Variants in GRIN2D observed in about 807,000 individuals in gnomAD.
GRIN2D encodes glutamate receptor ionotropic, NMDA 2D.
In GRIN2D, 37 loss-of-function variants were observed where a neutral mutation model predicts 103.2. That is an observed-to-expected ratio of 0.36 (90% CI 0.28 to 0.47). The LOEUF (loss-of-function observed/expected upper bound fraction) is 0.47. Ranked by LOEUF, GRIN2D falls within the 20% of genes least tolerant of loss-of-function variation. The pLI, the probability that GRIN2D is intolerant of heterozygous loss-of-function variation, is 1.00. For missense variants in GRIN2D, 1,557 were observed against 1,910.6 expected (o/e 0.81, Z 3.45); for synonymous variants, 845 against 885.6 (o/e 0.95, Z 0.81).
chr19:48,424,349 C>T (rs1971061990), intron 11 of GRIN2D, among the ~76,000 whole-genome samples: 1 of 147,708 alleles, frequency 6.8e-6, no homozygotes, highest in South Asian at 2.1e-4. Flanking sequence ...CGGCTCACTG[C>T]AAGCGCCGCC....
intron 11 of GRIN2D, among the ~76,000 whole-genome samples, chr19:48,422,586 G>A (rs1971037717): frequency 6.6e-6 from 1 of 151,482 alleles, no homozygotes; most frequent in South Asian, 2.1e-4. Context: ...ACTCCAGCCT[G>A]GCGACAGAGC....
chr19:48,414,755 C>A lies in GRIN2D; in HGVS notation c.1413-109C>A. 7.4e-7 allele frequency: 1 copy of A among 1,349,946 alleles called. No individual in the cohort carries two copies. The highest frequency in any genetic ancestry group is 1.0e-6 in the Non-Finnish European group (1 of 975,356). The allele number at this position is 1,349,946 out of a possible 1,614,324, so 83.6% of individuals were successfully genotyped here. ...TTTGAGCCTGAGTTTCCCCTGAAAGCGCTAACCATAGTTTTAGCTGCCGCC... is the reference window on the plus strand; with the variant it reads ...TTTGAGCCTGAGTTTCCCCTGAAAGAGCTAACCATAGTTTTAGCTGCCGCC... On this transcript the variant is annotated intron_variant, in intron 6 of 13. Transcript: ENST00000263269. The surrounding 1 kb of genome is among the most constrained non-coding windows in gnomAD (Gnocchi z 4.6).
rs772025904 is a variant in GRIN2D, at chr19:48,404,864, C to A, written c.596C>A (p.Ala199Asp). ...ACCACTCGTGCCCCTGGCCACCGGG[C>A]CTTCCTGTCCTACATTGAGGTGCTG... ...AVTTRAPGHR[A>D]FLSYIEVLTD... The change falls in exon 4 of 14, where the codon GCC (alanine) becomes GAC (aspartate). Residue 199 changes from alanine (A) to aspartate (D), a missense_variant. By Grantham distance (126) the Ala-to-Asp change is moderately radical. Coordinates refer to ENST00000263269, the MANE Select transcript of GRIN2D (RefSeq NM_000836.4). 1.2e-6 allele frequency: 2 copies of A among 1,614,242 alleles called. No individual in the cohort carries two copies. Among genetic ancestry groups the A allele is most frequent in the South Asian group, 2.2e-5 (2 of 91,084 alleles).
In GRIN2D at chr19:48,398,869, C is replaced by T. The variant is rs575311814; in HGVS notation, c.465+12C>T. 2.1e-5 allele frequency: 21 copies of T among 989,280 alleles called. No individual in the cohort carries two copies. The highest frequency in any genetic ancestry group is 8.3e-5 in the Admixed American group (1 of 12,006). The allele number at this position is 989,280 out of a possible 1,614,324, so 61.3% of individuals were successfully genotyped here. On this transcript the variant is annotated intron_variant, in intron 3 of 13. Transcript: ENST00000263269. ...TGCTCACGCCCAAGGTGCGCGCGAC[C>T]GGGGCGGGGCGGGGCCACAGGAGGG...
chr19:48,435,847 A>C (rs1253194341), intron 11 of GRIN2D, among the ~76,000 whole-genome samples: 1 of 152,240 alleles, frequency 6.6e-6, no homozygotes, highest in Non-Finnish European at 1.5e-5. Context: ...TGCCTCATGG[A>C]ACTTAAATTC....
chr19:48,408,288 C>A (rs1029482485), intron 4 of GRIN2D, among the ~76,000 whole-genome samples: 7 of 147,004 alleles, frequency 4.8e-5, no homozygotes, highest in Non-Finnish European at 8.9e-5. Flanking sequence ...GAGCCGAGAT[C>A]GAGCCACTGC....
rs2147476181 is a variant in GRIN2D, at chr19:48,442,766, A to G, written c.2840A>G (p.Lys947Arg). 1 of 1,068,286 alleles carries G rather than the reference A, an allele frequency of 9.4e-7. No homozygotes were observed. The allele number at this position is 1,068,286 out of a possible 1,614,324, so 66.2% of individuals were successfully genotyped here. Reference protein sequence around the residue: ...RASVDRWRRTKGAGPPGGAGL... With the variant: ...RASVDRWRRTRGAGPPGGAGL... ...TCAGTGGACCGCTGGCGCCGGACCA[A>G]GGGCGCGGGGCCGCCGGGGGGCGCG... is the stretch of plus-strand genomic sequence containing the variant. The change falls in exon 14 of 14, where the codon AAG becomes AGG. Residue 947 changes from lysine to arginine, a missense_variant. This residue lies in a region of GRIN2D where 632 missense variants were observed against 572.8 expected (regional missense o/e 1.10). Transcript: ENST00000263269. This position sits in a 1 kb window ranked among gnomAD's most constrained non-coding sequence, Gnocchi z 7.2.
chr19:48,408,413 C>T (rs898813421), intron 4 of GRIN2D, among the ~76,000 whole-genome samples: 1 of 151,600 alleles, frequency 6.6e-6, no homozygotes, highest in African/African-American at 2.4e-5. Flanking sequence ...ATGGGAGGAT[C>T]ACTTGAGCCT....
intron 4 of GRIN2D, 56 bp from the exon 5 acceptor site, chr19:48,413,935 C>T (rs1970909009): frequency 3.0e-6 from 3 of 984,382 alleles, no homozygotes; most frequent in East Asian, 4.8e-5. Context: ...CTCTGCCTTC[C>T]GCTGCCAAGG....
chr19:48,419,216 G>T lies in GRIN2D; in HGVS notation c.1736-18G>T. ...TTTTGCTTGGCTGAGCCATAACCACGCACTCCCTTGTCCCCAGAGCCCTAC... is the reference window on the plus strand; with the variant it reads ...TTTTGCTTGGCTGAGCCATAACCACTCACTCCCTTGTCCCCAGAGCCCTAC... On this transcript the variant is annotated intron_variant, in intron 8 of 13. Transcript: ENST00000263269. 1 of 1,596,168 alleles carries T rather than the reference G, an allele frequency of 6.3e-7. No homozygotes were observed.
chr19:48,423,397 G>A (rs1971046636), intron 11 of GRIN2D, among the ~76,000 whole-genome samples: 1 of 152,074 alleles, frequency 6.6e-6, no homozygotes, highest in East Asian at 1.9e-4. Context: ...TCTAGAGGTG[G>A]GAAATGAACA....
chr19:48,414,328 G>A lies in GRIN2D; in HGVS notation c.1201-45G>A, dbSNP rs751907971. The A allele has an allele frequency of 1.4e-6, 2 of 1,472,848 alleles. No homozygotes were observed. Among genetic ancestry groups the A allele is most frequent in the African/African-American group, 1.4e-5 (1 of 72,146 alleles). 91.2% of individuals were successfully genotyped at this position (1,472,848 alleles called of 1,614,324 possible). ...AGGATCATGGAGGCCAGGATACACC[G>A]GGAAGTCTTCCCAGGAAGCCTGACT... On this transcript the variant is annotated intron_variant, in intron 5 of 13. Coordinates refer to ENST00000263269, the MANE Select transcript of GRIN2D (RefSeq NM_000836.4). This position sits in a 1 kb window ranked among gnomAD's most constrained non-coding sequence, Gnocchi z 4.6.
At position 48,398,865 on chromosome 19, in the gene GRIN2D, C is replaced by A. The variant is rs1487056865; in HGVS notation, c.465+8C>A. The A allele has an allele frequency of 4.6e-6, 6 of 1,306,748 alleles. No individual in the cohort carries two copies. The East Asian group carries it at 1.3e-4, about 28-fold the overall frequency. The allele number at this position is 1,306,748 out of a possible 1,614,324, so 80.9% of individuals were successfully genotyped here. On this transcript the variant is annotated splice_region_variant and intron_variant, in intron 3 of 13. Transcript: ENST00000263269. The stretch of plus-strand genomic sequence containing the variant: ...CTCGTGCTCACGCCCAAGGTGCGCG[C>A]GACCGGGGCGGGGCGGGGCCACAGG...
chr19:48,433,976 T>G (rs936708911), intron 11 of GRIN2D, among the ~76,000 whole-genome samples: 1 of 149,632 alleles, frequency 6.7e-6, no homozygotes, highest in African/African-American at 2.5e-5. Context: ...TGAGATGGAG[T>G]CTCGCTCTGT....
intron 11 of GRIN2D, among the ~76,000 whole-genome samples, chr19:48,425,502 A>G (rs1279228976): frequency 6.6e-6 from 1 of 152,182 alleles, no homozygotes; most frequent in East Asian, 1.9e-4. Flanking sequence ...TCGGCCTCCC[A>G]AAGTGCTGGG....
rs933671746 is a variant in GRIN2D, at chr19:48,407,814, T to G, written c.1085+2461T>G. Among the ~76,000 whole-genome samples, 13 of 152,134 alleles carry G rather than the reference T, an allele frequency of 8.5e-5. 1 individual carries two copies. The South Asian group carries it at 1.5e-3, about 17-fold the overall frequency. On this transcript the variant is annotated intron_variant, in intron 4 of 13. Coordinates refer to ENST00000263269, the MANE Select transcript of GRIN2D (RefSeq NM_000836.4). ...CTGCTATGAAAATCAAACTGGGGAA[T>G]GTGATAAGAAATGCATAGGGGGCTA...
At chr19:48,431,351 C>CT (rs942878282) in intron 11 of GRIN2D, among the ~76,000 whole-genome samples, 28 of 152,246 alleles carry the variant, frequency 1.8e-4, no homozygotes, top group African/African-American at 5.8e-4. Context: ...TCTGAAAAGT[C>CT]TTTTTTTCTG....
chr19:48,439,656 G>A (rs866774546), intron 11 of GRIN2D, among the ~76,000 whole-genome samples: 9 of 152,210 alleles, frequency 5.9e-5, no homozygotes, highest in East Asian at 1.9e-4. Flanking sequence ...GGCTGGGCAC[G>A]GTGGCTCATG....
At chr19:48,433,049 C>A (rs1398117105) in intron 11 of GRIN2D, among the ~76,000 whole-genome samples, 1 of 86,278 alleles carries the variant, frequency 1.2e-5, no homozygotes, top group African/African-American at 4.5e-5. Context: ...CCTCAGCCTC[C>A]CAAAGTGCTG....
Sources: gnomAD v4.1 joint callset for allele counts (sites outside exome capture counted in the v4.1 genomes callset) on GRCh38, gnomAD v4.1.1 for gene constraint, gnomAD v4.1.1 regional missense constraint, Gnocchi (gnomAD v3.1) non-coding constraint, MANE v1.5 for transcripts, NCBI Gene and HGNC (gene_info 2026-07-23, HGNC 2026-07-21) for gene names.